SPPL2A: variants seen among roughly 807,000 people sequenced by gnomAD.
SPPL2A encodes the protein signal peptide peptidase like 2A.
A neutral mutation model predicts 63.8 loss-of-function variants in SPPL2A; 51 were observed. That is an observed-to-expected ratio of 0.80 (90% CI 0.64 to 1.01). The LOEUF is 1.01. Ranked by LOEUF, SPPL2A falls within the 50% of genes least tolerant of loss-of-function variation. SPPL2A has a pLI of 0.00. For missense variants in SPPL2A, 553 were observed against 622.7 expected (o/e 0.89, Z 1.19); for synonymous variants, 188 against 205.8 (o/e 0.91, Z 0.74).
Position 50,706,232 on chromosome 15 carries a change from C to A in SPPL2A, c.*1568G>T, listed in dbSNP as rs961973197. 3.3e-5 allele frequency: 5 copies of A among 150,884 alleles called. No homozygotes were observed. The highest frequency in any genetic ancestry group is 2.7e-4 in the Admixed American group (4 of 15,078). The allele number at this position is 150,884 out of a possible 1,614,324, so 9.3% of individuals were successfully genotyped here. A position where few individuals can be genotyped will look rare whatever the true frequency, so the allele number is the denominator to read the frequency against. ...CGGTGAAACCCCGTCTCTACTAAAA[C>A]TACAAAAAATAGCCGGGCGTAGTGG... On this transcript the variant is annotated 3_prime_UTR_variant, in exon 15 of 15. Transcript: ENST00000261854.
chr15:50,744,813 A>G (rs1383877099), intron 5 of SPPL2A, among the ~76,000 whole-genome samples: 1 of 152,236 alleles, frequency 6.6e-6, no homozygotes, highest in East Asian at 1.9e-4. Flanking sequence ...CACAAACAGT[A>G]CATTGCATCA....
At chr15:50,709,260 AG>A (rs35371762) in intron 14 of SPPL2A, among the ~76,000 whole-genome samples, 14,571 of 152,258 alleles carry the variant, frequency 0.096, 781 homozygotes, top group South Asian at 0.15. Context: ...ATTAAATTTC[AG>A]TATTGCGATG....
chr15:50,753,954 G>A (rs35536202), intron 1 of SPPL2A, among the ~76,000 whole-genome samples: 2,151 of 152,092 alleles, frequency 0.014, 24 homozygotes, highest in South Asian at 0.023. Context: ...CCACCACCAC[G>A]CCTGGCTAAT....
rs1438861436 is a variant in SPPL2A, at chr15:50,749,523, T to A, written c.177+113A>T. ...GGATGGTCTTGATCTCCTGACCTCA[T>A]GATCCGCCCGCCTTGGCCTCCCAAA... is the stretch of plus-strand genomic sequence containing the variant. On this transcript the variant is annotated intron_variant, in intron 2 of 14. Coordinates refer to ENST00000261854, the MANE Select transcript of SPPL2A (RefSeq NM_032802.4). 3.5e-5 allele frequency: 25 copies of A among 707,848 alleles called. No individual in the cohort carries two copies. The East Asian group carries it at 6.4e-4, about 18-fold the overall frequency. 43.8% of individuals were successfully genotyped at this position (707,848 alleles called of 1,614,324 possible). A position where few individuals can be genotyped will look rare whatever the true frequency, so the allele number is the denominator to read the frequency against.
chr15:50,731,289 G>A (rs1489701424), intron 9 of SPPL2A, among the ~76,000 whole-genome samples: 1 of 152,204 alleles, frequency 6.6e-6, no homozygotes. Context: ...GCTCACGCCT[G>A]TAATCCCAGC....
chr15:50,745,322 C>T (rs909800893), intron 5 of SPPL2A, among the ~76,000 whole-genome samples: 3 of 151,854 alleles, frequency 2.0e-5, no homozygotes, highest in African/African-American at 7.3e-5. Flanking sequence ...GTTTGATTTT[C>T]GTACTTTTAC....
intron 14 of SPPL2A, among the ~76,000 whole-genome samples, chr15:50,715,117 T>A (rs1230756535): frequency 6.6e-6 from 1 of 152,042 alleles, no homozygotes; most frequent in Non-Finnish European, 1.5e-5. Context: ...CTCAGCCTCC[T>A]GAGTAGCTGG....
chr15:50,757,276 G>A (rs532315127), intron 1 of SPPL2A, among the ~76,000 whole-genome samples: 2 of 151,942 alleles, frequency 1.3e-5, no homozygotes, highest in South Asian at 2.1e-4. Context: ...TAGAGACGGA[G>A]TTTCACTGTG....
chr15:50,747,073 TA>T (rs1413175993), intron 5 of SPPL2A, among the ~76,000 whole-genome samples: 1 of 152,214 alleles, frequency 6.6e-6, no homozygotes, highest in African/African-American at 2.4e-5. Flanking sequence ...TGGACATTAC[TA>T]ACATCCTTAG....
intron 14 of SPPL2A, among the ~76,000 whole-genome samples, chr15:50,714,254 TC>T (rs1432081855): frequency 6.6e-6 from 1 of 152,252 alleles, no homozygotes; most frequent in Non-Finnish European, 1.5e-5. Context: ...GCTCCTGATG[TC>T]TGCCCTCCTG....
At chr15:50,721,984 C>T (rs1441239799) in intron 13 of SPPL2A, 140 bp downstream of exon 13, 4 of 562,164 alleles carry the variant, frequency 7.1e-6, no homozygotes, top group Non-Finnish European at 1.3e-5. Context: ...AGCAATCTGC[C>T]TGCCTTGGCC....
rs2062506665 is a variant in SPPL2A at position 50,706,197 on chromosome 15, C to G, written c.*1603G>C. 2 of 151,458 alleles carry G rather than the reference C, an allele frequency of 1.3e-5. No homozygotes were observed. The highest frequency in any genetic ancestry group is 2.9e-5 in the Non-Finnish European group (2 of 67,866). 9.4% of individuals were successfully genotyped at this position (151,458 alleles called of 1,614,324 possible). A position where few individuals can be genotyped will look rare whatever the true frequency, so the allele number is the denominator to read the frequency against. On this transcript the variant is annotated 3_prime_UTR_variant, in exon 15 of 15. Transcript: ENST00000261854. Reference sequence around the variant, plus strand: ...ACGAGGTCAGGAGATCGAGACCATCCCGGCTAAAACGGTGAAACCCCGTCT... The same window carrying G: ...ACGAGGTCAGGAGATCGAGACCATCGCGGCTAAAACGGTGAAACCCCGTCT...
intron 1 of SPPL2A, among the ~76,000 whole-genome samples, chr15:50,759,406 T>C (rs2062989460): frequency 6.6e-6 from 1 of 151,998 alleles, no homozygotes; most frequent in Non-Finnish European, 1.5e-5. Flanking sequence ...CAGAGCAAGA[T>C]TCTGTCTCTA....
At position 50,705,141 on chromosome 15, in the gene SPPL2A, G is replaced by GACC. The variant is rs1258043564; in HGVS notation, c.*2656_*2658dup. The GACC allele has an allele frequency of 3.3e-5, 5 of 152,168 alleles. No individual in the cohort carries two copies. The highest frequency in any genetic ancestry group is 1.2e-4 in the African/African-American group (5 of 41,436). 9.4% of individuals were successfully genotyped at this position (152,168 alleles called of 1,614,324 possible). On this transcript the variant is annotated 3_prime_UTR_variant, in exon 15 of 15. Coordinates refer to ENST00000261854, the MANE Select transcript of SPPL2A (RefSeq NM_032802.4). ...GCAGATCATGAGGTCAGGAGCTCAA[G>GACC]ACCAGCCTGACCAACAAGGTGAAAC...
intron 14 of SPPL2A, among the ~76,000 whole-genome samples, chr15:50,717,016 C>CA (rs2062603943): frequency 6.6e-6 from 1 of 152,192 alleles, no homozygotes; most frequent in Non-Finnish European, 1.5e-5. Context: ...TCCCCCCACT[C>CA]AGTTTCCCAA....
chr15:50,746,932 T>A (rs1213179707), intron 5 of SPPL2A: 1 of 152,628 alleles, frequency 6.6e-6, no homozygotes. Context: ...CCTCCCAAAG[T>A]GTTGGGATTA....
At chr15:50,714,583 A>G (rs139433056) in intron 14 of SPPL2A, among the ~76,000 whole-genome samples, 1,589 of 149,698 alleles carry the variant, frequency 0.011, 33 homozygotes, top group African/African-American at 0.038. Context: ...ATGAGCAAAG[A>G]TAGTATCATC....
chr15:50,737,025 T>C (rs112119421), intron 6 of SPPL2A, among the ~76,000 whole-genome samples: 2 of 152,010 alleles, frequency 1.3e-5, no homozygotes, highest in African/African-American at 2.4e-5. Flanking sequence ...GTGATTCTCA[T>C]GCCTTAGCCT....
At position 50,704,382 on chromosome 15, in the gene SPPL2A, A is replaced by G. The variant is rs2141012342; in HGVS notation, c.*3418T>C. ...AAAAAAATCTACAAGCTAGAAGAAA[A>G]TATAATGTATTAGAATATCAAGGTC... On this transcript the variant is annotated 3_prime_UTR_variant, in exon 15 of 15. Transcript: ENST00000261854. 1 of 152,096 alleles carries G rather than the reference A, an allele frequency of 6.6e-6. No individual in the cohort carries two copies. Among genetic ancestry groups the G allele is most frequent in the East Asian group, 1.9e-4 (1 of 5,190 alleles). The allele number at this position is 152,096 out of a possible 1,614,324, so 9.4% of individuals were successfully genotyped here.
Sources: gnomAD v4.1 joint callset for allele counts (sites outside exome capture counted in the v4.1 genomes callset) on GRCh38, gnomAD v4.1.1 for gene constraint, MANE v1.5 for transcripts, NCBI Gene and HGNC (gene_info 2026-07-23, HGNC 2026-07-21) for gene names.